Variants in FHIT observed in about 807,000 individuals in gnomAD.
FHIT encodes bis(5'-adenosyl)-triphosphatase.
Under a neutral mutation model 17.9 loss-of-function variants are expected in FHIT, and 19 were observed. The ratio of observed to expected loss-of-function variants is 1.06; its 90% CI spans 0.74 to 1.56. The LOEUF is 1.56. FHIT is among the 40% of genes most tolerant of loss of function. The pLI is 0.00. For synonymous variants in FHIT, 81 were observed against 69.7 expected, an observed-to-expected ratio of 1.16 and a Z score of -0.81; for missense variants, 248 against 189.2, an observed-to-expected ratio of 1.31 and a Z score of -1.82.
In FHIT at chr3:60,088,301, A is replaced by T. The variant is rs537629713; in HGVS notation, c.104-74149T>A. On this transcript the variant is annotated intron_variant, in intron 5 of 9. Coordinates refer to ENST00000492590, the MANE Select transcript of FHIT (RefSeq NM_002012.4). ...GGATCAAATTTCAACATGTGCCTTG[A>T]CAGGGACAAACAAATCAAGCATGAT... Among the ~76,000 whole-genome samples the T allele has an allele frequency of 2.0e-5, 3 of 152,290 alleles. No individual in the cohort carries two copies. The East Asian group carries it at 5.8e-4, about 29-fold the overall frequency.
chr3:59,900,459 C>T lies in FHIT; in HGVS notation c.348+21887G>A, dbSNP rs375582409. Among the ~76,000 whole-genome samples, 220 of 152,234 alleles carry T rather than the reference C, an allele frequency of 1.4e-3. 1 individual carries two copies. Among genetic ancestry groups the T allele is most frequent in the African/African-American group, 4.8e-3 (200 of 41,550 alleles). ...AATTGATACAGACAAAACTAAATAC[C>T]TCTCCTTCCCTTGTGCCTGCTTTGA... On this transcript the variant is annotated intron_variant, in intron 8 of 9. Transcript: ENST00000492590.
At chr3:61,072,930 G>A (rs975693034) in intron 2 of FHIT, among the ~76,000 whole-genome samples, 2 of 152,118 alleles carry the variant, frequency 1.3e-5, no homozygotes, top group Non-Finnish European at 2.9e-5. Context: ...AAAGAAAGGG[G>A]TAAATGCACC....
chr3:60,167,928 G>C (rs1701250031), intron 5 of FHIT, among the ~76,000 whole-genome samples: 1 of 152,074 alleles, frequency 6.6e-6, no homozygotes, highest in Non-Finnish European at 1.5e-5. Flanking sequence ...GCTTTTTGGA[G>C]GGGGAAGATG....
intron 5 of FHIT, among the ~76,000 whole-genome samples, chr3:60,377,346 A>T (rs1218532892): frequency 6.6e-6 from 1 of 150,842 alleles, no homozygotes; most frequent in Non-Finnish European, 1.5e-5. Context: ...TTTAGTAGAG[A>T]CGGGGTTTCA....
chr3:60,390,127 T>C lies in FHIT; in HGVS notation c.103+146733A>G, dbSNP rs566644641. 3.9e-5 allele frequency among the ~76,000 whole-genome samples: 6 copies of C among 152,306 alleles called. No homozygotes were observed. The South Asian group carries it at 1.2e-3, about 32-fold the overall frequency. On this transcript the variant is annotated intron_variant, in intron 5 of 9. Coordinates refer to ENST00000492590, the MANE Select transcript of FHIT (RefSeq NM_002012.4). ...GAAAGAAAATGAAAATCAATGTAAT[T>C]GCAAGCTATCAACCTCAAATTTTAT...
intron 5 of FHIT, among the ~76,000 whole-genome samples, chr3:60,035,320 C>T (rs149457221): frequency 0.01 from 1,534 of 152,262 alleles, 18 homozygotes; most frequent in African/African-American, 0.035. Context: ...CACTGCAACC[C>T]CTGCCTCCTG....
At chr3:60,415,712 C>T (rs951934555) in intron 5 of FHIT, among the ~76,000 whole-genome samples, 1 of 134,506 alleles carries the variant, frequency 7.4e-6, no homozygotes, top group Non-Finnish European at 1.5e-5. Context: ...AGGGTAGAAA[C>T]TGAAGACAAA....
intron 8 of FHIT, among the ~76,000 whole-genome samples, chr3:59,855,449 A>G (rs1702114662): frequency 6.6e-6 from 1 of 152,180 alleles, no homozygotes; most frequent in Non-Finnish European, 1.5e-5. Context: ...ATTTTATAAA[A>G]AGGATTCCAT....
intron 2 of FHIT, among the ~76,000 whole-genome samples, chr3:61,131,561 C>T (rs1245479302): frequency 6.6e-6 from 1 of 152,230 alleles, no homozygotes; most frequent in African/African-American, 2.4e-5. Flanking sequence ...GGGCACTGGA[C>T]ATGCAAAGTG....
At chr3:60,491,910 G>A (rs752954683) in intron 5 of FHIT, among the ~76,000 whole-genome samples, 2 of 152,008 alleles carry the variant, frequency 1.3e-5, no homozygotes, top group African/African-American at 2.4e-5. Context: ...AATATGAAAA[G>A]TTTGCTTAAA....
intron 2 of FHIT, among the ~76,000 whole-genome samples, chr3:61,188,275 A>C (rs1048535857): frequency 6.6e-6 from 1 of 152,240 alleles, no homozygotes; most frequent in Non-Finnish European, 1.5e-5. Flanking sequence ...ACGGAAATAC[A>C]AACTACCATC....
intron 4 of FHIT, among the ~76,000 whole-genome samples, chr3:60,792,550 G>T (rs1318724635): frequency 2.0e-5 from 3 of 152,148 alleles, no homozygotes; most frequent in African/African-American, 4.8e-5. Flanking sequence ...AGCCTTGCTG[G>T]CTCACACTGA....
chr3:60,291,519 G>A (rs7611670), intron 5 of FHIT, among the ~76,000 whole-genome samples: 92,800 of 151,976 alleles, frequency 0.61, 29,844 homozygotes, highest in East Asian at 0.97. Context: ...GCCCTTTTCT[G>A]TTAGCACAGC....
intron 4 of FHIT, among the ~76,000 whole-genome samples, chr3:60,700,893 C>A (rs1052530248): frequency 6.6e-6 from 1 of 152,062 alleles, no homozygotes; most frequent in Admixed American, 6.6e-5. Context: ...ATATCCCTAG[C>A]CATTTTTCTC....
At chr3:60,007,357 CTT>C (rs947209430) in intron 7 of FHIT, among the ~76,000 whole-genome samples, 1 of 152,182 alleles carries the variant, frequency 6.6e-6, no homozygotes, top group African/African-American at 2.4e-5. Context: ...ATATAGAAGA[CTT>C]TTGATAGAGA....
chr3:60,642,532 T>C (rs2039752946), intron 4 of FHIT, among the ~76,000 whole-genome samples: 1 of 152,218 alleles, frequency 6.6e-6, no homozygotes, highest in African/African-American at 2.4e-5. Flanking sequence ...ATGCTCATTC[T>C]CAAGTTTGTA....
intron 4 of FHIT, among the ~76,000 whole-genome samples, chr3:60,628,878 G>A (rs566758894): frequency 1.3e-5 from 2 of 152,290 alleles, no homozygotes; most frequent in South Asian, 2.1e-4. Context: ...GGCAGGCAGA[G>A]TAACACCTAT....
chr3:60,647,375 A>G (rs1553687030), intron 4 of FHIT, among the ~76,000 whole-genome samples: 1 of 152,172 alleles, frequency 6.6e-6, no homozygotes, highest in East Asian at 1.9e-4. Flanking sequence ...AGCTCCTGCA[A>G]TTCTGAAGGG....
At chr3:59,910,840 G>T (rs374512961) in intron 8 of FHIT, among the ~76,000 whole-genome samples, 9 of 152,038 alleles carry the variant, frequency 5.9e-5, no homozygotes, top group African/African-American at 2.2e-4. Context: ...TTGGCTTTAC[G>T]AAAGCACAGC....
Sources: gnomAD v4.1 joint callset for allele counts (sites outside exome capture counted in the v4.1 genomes callset) on GRCh38, gnomAD v4.1.1 for gene constraint, MANE v1.5 for transcripts, NCBI Gene and HGNC (gene_info 2026-07-23, HGNC 2026-07-21) for gene names.